The following AAMDC variants were observed in gnomAD, a reference collection of about 807,000 sequenced individuals.
The protein encoded by AAMDC is mth938 domain-containing protein.
AAMDC carries 16 observed loss-of-function variants against 15.5 expected under a neutral mutation model. The observed-to-expected ratio is 1.03, with a 90% CI of 0.70 to 1.57. The LOEUF is 1.57. Among genes scored for constraint, AAMDC ranks in the 40% most tolerant of loss-of-function variants. The probability of loss-of-function intolerance (pLI) is 0.00; values close to 1 mark genes in which losing one functional copy is unlikely to be tolerated. For synonymous variants in AAMDC, 51 were observed against 51.6 expected (o/e 0.99, Z 0.05); for missense variants, 141 against 144.9 (o/e 0.97, Z 0.14).
chr11:77,855,759 C>CTTTTTTTTTTTTTTTTTTTTTTTT, intron 2 of AAMDC, among the ~76,000 whole-genome samples: 1 of 129,960 alleles, frequency 7.7e-6, no homozygotes, highest in Non-Finnish European at 1.5e-5. Flanking sequence ...TGAGCATAGG[C>CTTTTTTTTTTTTTTTTTTTTTTTT]TGCTAGAGGC....
intron 1 of AAMDC, among the ~76,000 whole-genome samples, chr11:77,824,428 AGG>A (rs774085400): frequency 6.6e-6 from 1 of 152,122 alleles, no homozygotes; most frequent in Non-Finnish European, 1.5e-5. Flanking sequence ...ATGTCCTATT[AGG>A]GGGAAATATT....
chr11:77,822,006 G>C (rs1054157158), intron 1 of AAMDC, among the ~76,000 whole-genome samples: 32 of 152,032 alleles, frequency 2.1e-4, no homozygotes, highest in African/African-American at 7.5e-4. Flanking sequence ...GTAGCACATA[G>C]TGAGTACTTT....
chr11:77,903,453 G>C (rs573253231), downstream of AAMDC: 6 of 1,599,586 alleles, frequency 3.8e-6, no homozygotes, highest in African/African-American at 6.9e-5. Flanking sequence ...TACACAGACA[G>C]AGCTATAGGA....
At chr11:77,890,664 A>C (rs1952223379) in intron 5 of AAMDC, among the ~76,000 whole-genome samples, 1 of 152,166 alleles carries the variant, frequency 6.6e-6, no homozygotes, top group Admixed American at 6.5e-5. Context: ...CCCCGAGAGG[A>C]AGAACTGTGA....
At chr11:77,825,774 C>T (rs1277290546) in intron 1 of AAMDC, among the ~76,000 whole-genome samples, 1 of 151,852 alleles carries the variant, frequency 6.6e-6, no homozygotes, top group Non-Finnish European at 1.5e-5. Context: ...TCACTGCAAC[C>T]TCTGCCTCCT....
At chr11:77,884,132 G>A (rs1951897792) in intron 5 of AAMDC, among the ~76,000 whole-genome samples, 1 of 152,108 alleles carries the variant, frequency 6.6e-6, no homozygotes, top group South Asian at 2.1e-4. Flanking sequence ...CCAGCATGAA[G>A]CAGTGTTCAG....
downstream of AAMDC, among the ~76,000 whole-genome samples, chr11:77,875,855 G>T (rs1466080812): frequency 6.6e-6 from 1 of 152,134 alleles, no homozygotes. Context: ...AAGGCCTAGA[G>T]GTGACAGAAA....
rs375911964 is a variant in AAMDC, at chr11:77,830,831, T to G, written c.-19+9590T>G. 3.4e-4 allele frequency among the ~76,000 whole-genome samples: 51 copies of G among 151,898 alleles called. 1 individual carries two copies. In the East Asian group the frequency reaches 9.1e-3, roughly 27 times the overall value. On this transcript the variant is annotated intron_variant, in intron 1 of 3. Transcript: ENST00000393427. ...TCATTGATCATCAAGAAATAAATAATGAAAACCACAATGAAATAGCACTTT... is the reference window on the plus strand; with the variant it reads ...TCATTGATCATCAAGAAATAAATAAGGAAAACCACAATGAAATAGCACTTT...
chr11:77,903,424 C>T, downstream of AAMDC: 1 of 1,607,296 alleles, frequency 6.2e-7, no homozygotes, highest in Non-Finnish European at 8.5e-7. Flanking sequence ...CTACATGCCA[C>T]AACTTTTCCT....
At chr11:77,902,141 A>G (rs922514371), downstream of AAMDC, among the ~76,000 whole-genome samples, 5 of 152,080 alleles carry the variant, frequency 3.3e-5, no homozygotes, top group Admixed American at 1.3e-4. Context: ...CCCAGTGAAC[A>G]CTCTAGGGTC....
At chr11:77,898,620 T>C (rs911769149) in intron 5 of AAMDC, among the ~76,000 whole-genome samples, 3 of 152,246 alleles carry the variant, frequency 2.0e-5, no homozygotes, top group African/African-American at 4.8e-5. Context: ...AAGTTCAATA[T>C]GTTCATTAAA....
intron 2 of AAMDC, among the ~76,000 whole-genome samples, chr11:77,848,035 A>G (rs1027051686): frequency 6.6e-6 from 1 of 152,166 alleles, no homozygotes; most frequent in Non-Finnish European, 1.5e-5. Flanking sequence ...GCCTACCAAC[A>G]TAGGGGAGGG....
In AAMDC at chr11:77,821,163, C is replaced by G. The variant is rs1948877933; in HGVS notation, c.-97C>G. The G allele has an allele frequency of 7.9e-6, 3 of 379,888 alleles. No homozygotes were observed. Among genetic ancestry groups the G allele is most frequent in the Admixed American group, 4.2e-5 (1 of 23,920 alleles). 23.5% of individuals were successfully genotyped at this position (379,888 alleles called of 1,614,324 possible). On this transcript the variant is annotated 5_prime_UTR_variant, in exon 1 of 4. Transcript: ENST00000393427. ...GAGGGCAGTTGGGGAGCGCAGATCCCGAAGCAGCGCTGGGAGCGTAAGTGC... is the reference window on the plus strand; with the variant it reads ...GAGGGCAGTTGGGGAGCGCAGATCCGGAAGCAGCGCTGGGAGCGTAAGTGC...
intron 2 of AAMDC, among the ~76,000 whole-genome samples, chr11:77,855,027 G>A (rs1240842600): frequency 6.6e-6 from 1 of 152,184 alleles, no homozygotes; most frequent in Non-Finnish European, 1.5e-5. Context: ...ACCCTCTGAA[G>A]CATCAGCCTG....
chr11:77,899,089 T>C (rs1018808675), intron 5 of AAMDC, among the ~76,000 whole-genome samples: 3 of 152,042 alleles, frequency 2.0e-5, no homozygotes, highest in Non-Finnish European at 4.4e-5. Context: ...AATAACCCTG[T>C]GAGGAAGAGA....
chr11:77,837,110 T>C (rs1949714879), intron 1 of AAMDC, among the ~76,000 whole-genome samples: 1 of 152,218 alleles, frequency 6.6e-6, no homozygotes, highest in South Asian at 2.1e-4. Flanking sequence ...CTGTGTTGTT[T>C]TTTGTTTGAG....
intron 5 of AAMDC, among the ~76,000 whole-genome samples, chr11:77,897,905 C>A (rs1232831494): frequency 6.6e-6 from 1 of 152,012 alleles, no homozygotes; most frequent in Non-Finnish European, 1.5e-5. Flanking sequence ...AACTCCTGGG[C>A]TCAAGGGATC....
At chr11:77,838,306 C>T (rs985527255) in intron 1 of AAMDC, among the ~76,000 whole-genome samples, 1 of 152,082 alleles carries the variant, frequency 6.6e-6, no homozygotes, top group East Asian at 1.9e-4. Context: ...TGTGAACATA[C>T]CTTGTAGATA....
chr11:77,832,976 TG>T (rs1949508585), intron 1 of AAMDC, among the ~76,000 whole-genome samples: 1 of 67,116 alleles, frequency 1.5e-5, no homozygotes, highest in Non-Finnish European at 2.8e-5. Flanking sequence ...TGTGTGTGTG[TG>T]TGTGTGTGTG....
Sources: allele counts gnomAD v4.1 joint callset (sites outside exome capture counted in the v4.1 genomes callset), GRCh38; gene constraint gnomAD v4.1.1; transcripts MANE v1.5; gene names NCBI Gene and HGNC (gene_info 2026-07-23, HGNC 2026-07-21).